LITAF: variants seen among roughly 807,000 people sequenced by gnomAD.
LITAF encodes the protein lipopolysaccharide-induced tumor necrosis factor-alpha factor.
In LITAF, 9 loss-of-function variants were observed where a neutral mutation model predicts 14.5. That is an observed-to-expected ratio of 0.62 (90% confidence interval 0.37 to 1.08). The LOEUF is 1.08. Ranked by LOEUF, LITAF falls within the 50% of genes least tolerant of loss-of-function variation. The probability of loss-of-function intolerance (pLI) is 0.01; values close to 1 mark genes in which losing one functional copy is unlikely to be tolerated. For synonymous variants in LITAF, 98 were observed against 88.2 expected (o/e 1.11, Z -0.62); for missense variants, 206 against 213.4 (o/e 0.97, Z 0.22).
At chr16:11,572,600 C>T (rs1273507702) in intron 1 of LITAF, among the ~76,000 whole-genome samples, 2 of 152,150 alleles carry the variant, frequency 1.3e-5, no homozygotes, top group Admixed American at 1.3e-4. Context: ...CGCAGCCCCA[C>T]GTAGTCATGA....
chr16:11,587,065 C>T (rs17523609), upstream of LITAF: 67,951 of 171,778 alleles, frequency 0.4, 15,620 homozygotes, highest in Non-Finnish European at 0.52. Flanking sequence ...GGCGAGACCA[C>T]CGCCGGTTCC....
intron 3 of LITAF, among the ~76,000 whole-genome samples, chr16:11,618,814 C>T (rs148895960): frequency 6.6e-6 from 1 of 151,882 alleles, no homozygotes; most frequent in Non-Finnish European, 1.5e-5. Flanking sequence ...GAAACCCTGT[C>T]TCTACTAAAA....
intron 1 of LITAF, among the ~76,000 whole-genome samples, chr16:11,569,136 C>T (rs750213250): frequency 6.6e-5 from 10 of 152,154 alleles, no homozygotes; most frequent in Non-Finnish European, 1.2e-4. Flanking sequence ...CTGAACAGGA[C>T]GCGGGGGCTT....
At chr16:11,566,544 G>A (rs1341015635) in intron 1 of LITAF, among the ~76,000 whole-genome samples, 1 of 152,112 alleles carries the variant, frequency 6.6e-6, no homozygotes, top group East Asian at 1.9e-4. Context: ...CAGAAGGATC[G>A]CTTGAGCCTA....
chr16:11,620,808 A>T (rs1188144632), intron 3 of LITAF, among the ~76,000 whole-genome samples: 2 of 152,238 alleles, frequency 1.3e-5, no homozygotes, highest in East Asian at 3.8e-4. Context: ...CCCATGTAAC[A>T]GGTGCAGCGG....
upstream of LITAF, chr16:11,587,316 T>A (rs1332283445): frequency 4.5e-6 from 2 of 447,146 alleles, no homozygotes; most frequent in Non-Finnish European, 9.0e-6. Context: ...CTCCACCACT[T>A]CCAGGCGGCG....
intron 3 of LITAF, among the ~76,000 whole-genome samples, chr16:11,552,864 A>G (rs867178877): frequency 6.6e-6 from 1 of 152,196 alleles, no homozygotes; most frequent in African/African-American, 2.4e-5. Context: ...CTGTAATCCC[A>G]GCACTTTGGG....
intron 3 of LITAF, among the ~76,000 whole-genome samples, chr16:11,617,693 G>A (rs1597372951): frequency 6.6e-6 from 1 of 151,960 alleles, no homozygotes; most frequent in East Asian, 1.9e-4. Flanking sequence ...CCAAAATGCT[G>A]GGATTACAGG....
At position 11,582,319 on chromosome 16, in the gene LITAF, GAA is replaced by G. The variant is rs35892278; in HGVS notation, c.-6+4565_-6+4566del. ...TGAAATATCTATTTCACTCACAACG[GAA>G]AAAAAAAAAAAAAAAAAGAACTCCC... On this transcript the variant is annotated intron_variant, in intron 1 of 3. Coordinates refer to ENST00000622633, the MANE Select transcript of LITAF (RefSeq NM_001136472.2). 5.5e-4 allele frequency among the ~76,000 whole-genome samples: 55 copies of G among 100,084 alleles called. No individual in the cohort carries two copies. The East Asian group carries it at 8.1e-3, about 15-fold the overall frequency. 65.7% of individuals were successfully genotyped at this position (100,084 alleles called of 152,430 possible).
At chr16:11,559,991 T>A (rs565319864) in intron 1 of LITAF, among the ~76,000 whole-genome samples, 1 of 149,984 alleles carries the variant, frequency 6.7e-6, no homozygotes, top group Non-Finnish European at 1.5e-5. Flanking sequence ...AATAAATAAA[T>A]AAAAACAAAA....
intron 3 of LITAF, among the ~76,000 whole-genome samples, chr16:11,604,613 C>A (rs900775279): frequency 1.4e-5 from 2 of 146,068 alleles, no homozygotes; most frequent in Non-Finnish European, 3.0e-5. Context: ...TCGAGACCAG[C>A]CTGGGCAACA....
chr16:11,550,243 C>T (rs530983289), intron 3 of LITAF, among the ~76,000 whole-genome samples: 1 of 152,310 alleles, frequency 6.6e-6, no homozygotes, highest in South Asian at 2.1e-4. Context: ...GCGCATGCCA[C>T]CAGGCCCAGC....
chr16:11,563,379 A>G (rs1278535045), intron 1 of LITAF, among the ~76,000 whole-genome samples: 1 of 152,020 alleles, frequency 6.6e-6, no homozygotes, highest in African/African-American at 2.4e-5. Flanking sequence ...CAAACTCCCA[A>G]CCTCAGATGA....
chr16:11,590,769 G>A (rs2064842017), upstream of LITAF, among the ~76,000 whole-genome samples: 1 of 117,966 alleles, frequency 8.5e-6, no homozygotes, highest in Non-Finnish European at 1.7e-5. Context: ...GTCTCGTTCT[G>A]TTGCCCAGGC....
intron 2 of LITAF, among the ~76,000 whole-genome samples, chr16:11,554,408 T>C (rs1473472961): frequency 6.6e-6 from 1 of 152,118 alleles, no homozygotes; most frequent in Non-Finnish European, 1.5e-5. Context: ...GTGAACTGTG[T>C]TGATACAAGA....
chr16:11,588,593 AAGGGAGGG>A (rs72071151), upstream of LITAF, among the ~76,000 whole-genome samples: 20,335 of 146,036 alleles, frequency 0.14, 1,661 homozygotes, highest in South Asian at 0.22. Context: ...GGAAAGAAGG[AAGGGAGGG>A]AGGGAGGGAG....
At position 11,551,817 on chromosome 16, in the gene LITAF, G is replaced by A. The variant is rs115420663; in HGVS notation, c.377+1716C>T. 1.1e-3 allele frequency: 679 copies of A among 596,340 alleles called. 5 individuals are homozygous for A. In the African/African-American group the frequency reaches 0.011, roughly 10 times the overall value. 36.9% of individuals were successfully genotyped at this position (596,340 alleles called of 1,614,324 possible). A position where few individuals can be genotyped will look rare whatever the true frequency, so the allele number is the denominator to read the frequency against. On this transcript the variant is annotated intron_variant, in intron 3 of 3. Transcript: ENST00000622633. ...ACTGCACTCCTGCCTGGACAACAGA[G>A]CAAGACTCAGCCTCAAACAAAACAA...
intron 3 of LITAF, among the ~76,000 whole-genome samples, chr16:11,627,752 G>A (rs1260164647): frequency 1.3e-5 from 2 of 152,308 alleles, no homozygotes; most frequent in African/African-American, 4.8e-5. Flanking sequence ...GCTGACGCAG[G>A]AGAATGGCTT....
intron 3 of LITAF, chr16:11,633,503 G>T (rs1417212259): frequency 6.6e-6 from 1 of 152,130 alleles, no homozygotes; most frequent in Non-Finnish European, 1.5e-5. Flanking sequence ...GATAAAATAG[G>T]TTGCAGTAAA....
Sources: allele counts gnomAD v4.1 joint callset (sites outside exome capture counted in the v4.1 genomes callset), GRCh38; gene constraint gnomAD v4.1.1; transcripts MANE v1.5; gene names NCBI Gene and HGNC (gene_info 2026-07-23, HGNC 2026-07-21).